Variants in ASIC2 observed in about 807,000 individuals in gnomAD.
ASIC2 encodes acid-sensing ion channel 2.
In ASIC2, 25 loss-of-function variants were observed where a neutral mutation model predicts 57.3. The ratio of observed to expected loss-of-function variants is 0.44; its 90% CI spans 0.32 to 0.61. The LOEUF (loss-of-function observed/expected upper bound fraction) is 0.61. ASIC2 is among the 20% of genes least tolerant of loss of function. The probability of loss-of-function intolerance (pLI) is 0.06; values close to 1 mark genes in which losing one functional copy is unlikely to be tolerated. For missense variants in ASIC2, 641 were observed against 738.1 expected (o/e 0.87, Z 1.52); for synonymous variants, 319 against 307.5 (o/e 1.04, Z -0.39).
At chr17:33,067,269 T>C (rs1015640267) in intron 3 of ASIC2, among the ~76,000 whole-genome samples, 35 of 152,184 alleles carry the variant, frequency 2.3e-4, no homozygotes, top group African/African-American at 8.0e-4. Flanking sequence ...ATAACTCGTG[T>C]ACCAAGGGCC....
At chr17:33,440,678 C>T (rs992561469) in intron 1 of ASIC2, among the ~76,000 whole-genome samples, 2 of 152,190 alleles carry the variant, frequency 1.3e-5, no homozygotes. Context: ...AGTGATATCT[C>T]ACTGTAGTTT....
intron 1 of ASIC2, among the ~76,000 whole-genome samples, chr17:33,331,158 T>A (rs573126837): frequency 3.2e-4 from 49 of 152,282 alleles, no homozygotes; most frequent in African/African-American, 9.6e-4. Context: ...TTAAGCACTC[T>A]TTATGAGAAT....
At chr17:33,712,351 C>T (rs1421583440) in intron 1 of ASIC2, among the ~76,000 whole-genome samples, 1 of 152,240 alleles carries the variant, frequency 6.6e-6, no homozygotes, top group Non-Finnish European at 1.5e-5. Context: ...GGCTCCAGCA[C>T]AGGCTCCCTG....
rs558288477 is a variant in ASIC2, at chr17:33,990,443, C to G, written c.555+165535G>C. Among the ~76,000 whole-genome samples the G allele has an allele frequency of 2.0e-5, 3 of 152,252 alleles. No homozygotes were observed. The East Asian group carries it at 5.8e-4, about 29-fold the overall frequency. Reference sequence around the variant, plus strand: ...GAGCTAATATTGTACATTTGGAAAGCAAAGGACTAGAGGAAATGGCTGAAA... The same window carrying G: ...GAGCTAATATTGTACATTTGGAAAGGAAAGGACTAGAGGAAATGGCTGAAA... On this transcript the variant is annotated intron_variant, in intron 1 of 9. Coordinates refer to the ASIC2 transcript ENST00000359872.
At chr17:33,209,714 A>G (rs1308953356) in intron 1 of ASIC2, among the ~76,000 whole-genome samples, 4 of 152,208 alleles carry the variant, frequency 2.6e-5, no homozygotes, top group South Asian at 2.1e-4. Context: ...AGTGCCCCAT[A>G]AATATTGGTT....
chr17:33,409,213 T>C (rs925758176), intron 1 of ASIC2, among the ~76,000 whole-genome samples: 2 of 152,116 alleles, frequency 1.3e-5, no homozygotes, highest in Non-Finnish European at 2.9e-5. Flanking sequence ...AGACTCTGTC[T>C]AAAAAATAAT....
intron 1 of ASIC2, among the ~76,000 whole-genome samples, chr17:33,639,093 G>C (rs1442010809): frequency 6.6e-6 from 1 of 151,660 alleles, no homozygotes; most frequent in African/African-American, 2.4e-5. Flanking sequence ...GATACCATGG[G>C]AGCTCACCAT....
At chr17:33,912,350 G>A (rs12602992) in intron 1 of ASIC2, among the ~76,000 whole-genome samples, 12,205 of 149,374 alleles carry the variant, frequency 0.082, 882 homozygotes, top group East Asian at 0.28. Context: ...AAAGTTAGCT[G>A]GGCATGGTGG....
intron 1 of ASIC2, among the ~76,000 whole-genome samples, chr17:33,359,992 TC>T (rs762072099): frequency 2.6e-5 from 4 of 152,190 alleles, no homozygotes; most frequent in Non-Finnish European, 4.4e-5. Context: ...TTTGGGGTTT[TC>T]TGTTACATAA....
chr17:34,056,854 C>A (rs761056915), intron 1 of ASIC2, among the ~76,000 whole-genome samples: 4 of 152,154 alleles, frequency 2.6e-5, no homozygotes, highest in African/African-American at 9.7e-5. Context: ...TGGCTGGGAT[C>A]CTCTCATATC....
intron 2 of ASIC2, among the ~76,000 whole-genome samples, chr17:33,102,499 T>C (rs959781549): frequency 1.3e-5 from 2 of 152,214 alleles, no homozygotes; most frequent in African/African-American, 4.8e-5. Flanking sequence ...GGTGAGCTTT[T>C]TCCATCTGGA....
rs149502846 is a variant in ASIC2 at position 33,948,369 on chromosome 17, G to A, written c.555+207609C>T. On this transcript the variant is annotated intron_variant, in intron 1 of 9. Transcript: ENST00000359872. ...CCCGCAGGAGCCTCATTTTGTCAGT[G>A]AAGCCTTTAGAGATGGCATGTGGCC... Among the ~76,000 whole-genome samples, 28 of 152,352 alleles carry A rather than the reference G, an allele frequency of 1.8e-4. No homozygotes were observed. The East Asian group carries it at 5.4e-3, about 29-fold the overall frequency.
At chr17:33,037,370 G>A (rs918822635) in intron 3 of ASIC2, among the ~76,000 whole-genome samples, 1 of 150,408 alleles carries the variant, frequency 6.6e-6, no homozygotes, top group Non-Finnish European at 1.5e-5. Flanking sequence ...GGTTTGTTCA[G>A]GGTCAGCCAC....
chr17:33,131,518 C>T (rs1039050949), intron 1 of ASIC2: 1 of 152,248 alleles, frequency 6.6e-6, no homozygotes, highest in Admixed American at 6.5e-5. Context: ...TGAGCCAGTC[C>T]ACACAGTGAA....
chr17:33,209,363 GA>G (rs374711675), intron 1 of ASIC2, among the ~76,000 whole-genome samples: 90 of 150,932 alleles, frequency 6.0e-4, no homozygotes, highest in South Asian at 4.4e-3. Flanking sequence ...CCTTGTGGGG[GA>G]AAAAAAAACC....
intron 3 of ASIC2, among the ~76,000 whole-genome samples, chr17:33,079,621 A>C (rs2092104367): frequency 6.6e-6 from 1 of 152,140 alleles, no homozygotes; most frequent in African/African-American, 2.4e-5. Flanking sequence ...GGGGAGGGAC[A>C]GAGTGAGCAC....
chr17:34,037,894 G>T (rs1428799369), intron 1 of ASIC2: 25 of 1,613,650 alleles, frequency 1.5e-5, no homozygotes, highest in Non-Finnish European at 2.0e-5. Flanking sequence ...ACTGGTTATG[G>T]CCAAAAGGCT....
intron 2 of ASIC2, among the ~76,000 whole-genome samples, chr17:33,097,178 G>T (rs2092184890): frequency 6.6e-6 from 1 of 152,090 alleles, no homozygotes; most frequent in African/African-American, 2.4e-5. Flanking sequence ...CATTGGTTTG[G>T]GTCCTTTGGG....
chr17:34,040,463 G>T (rs1908087661), intron 1 of ASIC2, among the ~76,000 whole-genome samples: 1 of 144,964 alleles, frequency 6.9e-6, no homozygotes, highest in Non-Finnish European at 1.5e-5. Context: ...GACGAGGAAG[G>T]TGGGGGGGGT....
Sources: gnomAD v4.1 joint callset for allele counts (sites outside exome capture counted in the v4.1 genomes callset) on GRCh38, gnomAD v4.1.1 for gene constraint, MANE v1.5 for transcripts, NCBI Gene and HGNC (gene_info 2026-07-23, HGNC 2026-07-21) for gene names.